The following KIAA0825 variants were observed in gnomAD, a reference collection of about 807,000 sequenced individuals.
KIAA0825 encodes uncharacterized protein KIAA0825.
KIAA0825 carries 119 observed loss-of-function variants against 147.6 expected under a neutral mutation model. That is an observed-to-expected ratio of 0.81 (90% CI 0.69 to 0.94). KIAA0825 has a LOEUF of 0.94. Ranked by LOEUF, KIAA0825 falls within the 40% of genes least tolerant of loss-of-function variation. The probability of loss-of-function intolerance (pLI) is 0.00; values close to 1 mark genes in which losing one functional copy is unlikely to be tolerated. For missense variants in KIAA0825, 1,381 were observed against 1,472.7 expected, an observed-to-expected ratio of 0.94 and a Z score of 1.02; for synonymous variants, 470 against 518.1, an observed-to-expected ratio of 0.91 and a Z score of 1.26.
intron 18 of KIAA0825, among the ~76,000 whole-genome samples, chr5:94,391,001 C>T (rs1749820256): frequency 6.6e-6 from 1 of 152,182 alleles, no homozygotes; most frequent in African/African-American, 2.4e-5. Flanking sequence ...CATGCAAGGT[C>T]AGAGGCAATG....
chr5:94,159,771 A>T (rs531913334), intron 20 of KIAA0825, among the ~76,000 whole-genome samples: 1 of 152,256 alleles, frequency 6.6e-6, no homozygotes. Flanking sequence ...TAATAATGGC[A>T]TTTGATCATA....
intron 20 of KIAA0825, among the ~76,000 whole-genome samples, chr5:94,282,385 C>T (rs1356642093): frequency 6.6e-6 from 1 of 151,916 alleles, no homozygotes; most frequent in African/African-American, 2.4e-5. Flanking sequence ...AAAGAACTGT[C>T]CTGCTAGATA....
intron 2 of KIAA0825, among the ~76,000 whole-genome samples, chr5:94,550,634 A>T (rs926070351): frequency 6.6e-6 from 1 of 152,182 alleles, no homozygotes; most frequent in African/African-American, 2.4e-5. Context: ...CGAGGTCAGG[A>T]GACCGAGGCC....
chr5:94,393,116 A>G (rs570055456), intron 17 of KIAA0825, among the ~76,000 whole-genome samples: 1 of 152,334 alleles, frequency 6.6e-6, no homozygotes, highest in African/African-American at 2.4e-5. Context: ...CAGGTGAAGC[A>G]AATGATTGGA....
At chr5:94,536,851 GA>G (rs964599239) in intron 3 of KIAA0825, 144 bp downstream of exon 3, 11 of 539,582 alleles carry the variant, frequency 2.0e-5, no homozygotes, top group Admixed American at 7.3e-5. Flanking sequence ...CTTTAAGTGA[GA>G]GGGGGGTCTA....
chr5:94,331,737 C>T (rs1296353725), intron 20 of KIAA0825, among the ~76,000 whole-genome samples: 1 of 152,022 alleles, frequency 6.6e-6, no homozygotes, highest in Non-Finnish European at 1.5e-5. Flanking sequence ...ATTAATATAA[C>T]TCATTATATT....
At position 94,462,580 on chromosome 5, in the gene KIAA0825, G is replaced by C. The variant is rs201590524; in HGVS notation, c.2064-11C>G. 9 of 1,452,206 alleles carry C rather than the reference G, an allele frequency of 6.2e-6. No individual in the cohort carries two copies. The highest frequency in any genetic ancestry group is 1.5e-5 in the African/African-American group (1 of 68,770). 90.0% of individuals were successfully genotyped at this position (1,452,206 alleles called of 1,614,324 possible). ...GTTGTGACATCAAGTCTGTTGGAAA[G>C]AAAGAAAAGAAAATCATGTTAAACA... On this transcript the variant is annotated splice_polypyrimidine_tract_variant and intron_variant, in intron 11 of 20. Coordinates refer to ENST00000682413, the MANE Select transcript of KIAA0825 (RefSeq NM_001145678.3).
At chr5:94,591,791 C>T (rs976609266) in intron 1 of KIAA0825, among the ~76,000 whole-genome samples, 12 of 152,246 alleles carry the variant, frequency 7.9e-5, no homozygotes, top group East Asian at 5.8e-4. Context: ...CAGTTCCACA[C>T]GGCTGGGGAG....
At chr5:94,234,012 G>T (rs1774883705) in intron 20 of KIAA0825, among the ~76,000 whole-genome samples, 1 of 152,108 alleles carries the variant, frequency 6.6e-6, no homozygotes, top group South Asian at 2.1e-4. Flanking sequence ...CTCATTTCAT[G>T]TCTCTGTACC....
At chr5:94,278,078 C>G (rs1777299402) in intron 20 of KIAA0825, among the ~76,000 whole-genome samples, 1 of 151,990 alleles carries the variant, frequency 6.6e-6, no homozygotes, top group African/African-American at 2.4e-5. Context: ...CACATGGACA[C>G]AGGGAGGGGA....
At chr5:94,603,216 T>C (rs1490634328) in intron 1 of KIAA0825, among the ~76,000 whole-genome samples, 4 of 152,264 alleles carry the variant, frequency 2.6e-5, no homozygotes, top group East Asian at 1.9e-4. Flanking sequence ...ATGAAACTAA[T>C]AGTGAACCTC....
chr5:94,186,445 GACA>G (rs1770126485), intron 20 of KIAA0825, among the ~76,000 whole-genome samples: 3 of 152,088 alleles, frequency 2.0e-5, no homozygotes, highest in Admixed American at 1.3e-4. Context: ...AGAATTGTAG[GACA>G]ACAAATGACA....
chr5:94,365,867 C>T (rs940163244), intron 20 of KIAA0825, among the ~76,000 whole-genome samples: 2 of 152,240 alleles, frequency 1.3e-5, no homozygotes, highest in African/African-American at 4.8e-5. Context: ...AGTTTCTAAA[C>T]TTCCCCAAGT....
chr5:94,329,065 C>A (rs1286672724), intron 20 of KIAA0825, among the ~76,000 whole-genome samples: 6 of 151,928 alleles, frequency 3.9e-5, no homozygotes, highest in Non-Finnish European at 8.8e-5. Flanking sequence ...ATATCTTATC[C>A]TCAACTCTAA....
At chr5:94,202,328 G>A (rs769645495) in intron 20 of KIAA0825, among the ~76,000 whole-genome samples, 1 of 152,196 alleles carries the variant, frequency 6.6e-6, no homozygotes, top group Non-Finnish European at 1.5e-5. Context: ...AGAGGTCCTA[G>A]CCTGCTATAT....
At chr5:94,448,615 C>T (rs940867193) in intron 13 of KIAA0825, among the ~76,000 whole-genome samples, 25 of 152,118 alleles carry the variant, frequency 1.6e-4, no homozygotes, top group Non-Finnish European at 3.4e-4. Flanking sequence ...AGTCACCTCT[C>T]CTCTCGGCCT....
At chr5:94,545,951 T>C (rs912601701) in intron 2 of KIAA0825, among the ~76,000 whole-genome samples, 8 of 152,186 alleles carry the variant, frequency 5.3e-5, no homozygotes, top group Non-Finnish European at 1.2e-4. Context: ...ATGGCATTTC[T>C]GGCCCTGCCC....
chr5:94,344,676 T>A (rs1470643765), intron 20 of KIAA0825, among the ~76,000 whole-genome samples: 2 of 152,212 alleles, frequency 1.3e-5, no homozygotes, highest in East Asian at 3.8e-4. Context: ...TGTACATTGA[T>A]AGATAACTAG....
chr5:94,373,220 C>CTA (rs1554266248), intron 20 of KIAA0825, among the ~76,000 whole-genome samples: 1 of 152,186 alleles, frequency 6.6e-6, no homozygotes, highest in Non-Finnish European at 1.5e-5. Flanking sequence ...TCTGAATCCT[C>CTA]TAAACTGTTC....
Sources: allele counts gnomAD v4.1 joint callset (sites outside exome capture counted in the v4.1 genomes callset), GRCh38; gene constraint gnomAD v4.1.1; transcripts MANE v1.5; gene names NCBI Gene and HGNC (gene_info 2026-07-23, HGNC 2026-07-21).